Variants in ERC2 observed in about 807,000 individuals in gnomAD.
The protein encoded by ERC2 is ERC protein 2.
In ERC2, 42 loss-of-function variants were observed where a neutral mutation model predicts 114.8. The observed-to-expected ratio is 0.37, with a 90% CI of 0.29 to 0.47. The LOEUF (loss-of-function observed/expected upper bound fraction) is 0.47. Ranked by LOEUF, ERC2 falls within the 20% of genes least tolerant of loss-of-function variation. The pLI, the probability that ERC2 is intolerant of heterozygous loss-of-function variation, is 0.99. For synonymous variants in ERC2, 454 were observed against 425.5 expected, an observed-to-expected ratio of 1.07 and a Z score of -0.82; for missense variants, 939 against 1,150.7, an observed-to-expected ratio of 0.82 and a Z score of 2.66.
intron 16 of ERC2, among the ~76,000 whole-genome samples, chr3:55,694,391 G>C (rs1243138085): frequency 6.6e-6 from 1 of 152,162 alleles, no homozygotes; most frequent in Non-Finnish European, 1.5e-5. Flanking sequence ...GTGAACATGG[G>C]ACAAAGAATC....
chr3:55,736,829 A>G (rs998177261), intron 14 of ERC2, among the ~76,000 whole-genome samples: 5 of 152,198 alleles, frequency 3.3e-5, no homozygotes, highest in Non-Finnish European at 5.9e-5. Context: ...TCTTTACAGT[A>G]TAATTTTATG....
intron 17 of ERC2, among the ~76,000 whole-genome samples, chr3:55,566,471 G>A (rs937998077): frequency 1.3e-5 from 2 of 151,600 alleles, no homozygotes; most frequent in African/African-American, 2.4e-5. Flanking sequence ...TGCCCAGGTT[G>A]AACAGGTTGG....
chr3:56,248,842 C>G (rs72873404), intron 3 of ERC2, among the ~76,000 whole-genome samples: 2,642 of 152,316 alleles, frequency 0.017, 74 homozygotes, highest in African/African-American at 0.06. Flanking sequence ...CAGGCACACA[C>G]AACTGTATGT....
In ERC2 at chr3:56,075,454, T is replaced by C. The variant is rs147441633; in HGVS notation, c.1641+5363A>G. 1.4e-4 allele frequency among the ~76,000 whole-genome samples: 22 copies of C among 152,342 alleles called. No individual in the cohort carries two copies. In the East Asian group the frequency reaches 4.2e-3, roughly 29 times the overall value. Reference sequence around the variant, plus strand: ...TTCTTGATCATCCCCAATCTGGTTCTACAGACCAGATATTGGGACCCCAGA... The same window carrying C: ...TTCTTGATCATCCCCAATCTGGTTCCACAGACCAGATATTGGGACCCCAGA... On this transcript the variant is annotated intron_variant, in intron 7 of 17. Coordinates refer to ENST00000288221, the MANE Select transcript of ERC2 (RefSeq NM_015576.3).
At chr3:56,465,592 C>A (rs1405008512) in intron 1 of ERC2, among the ~76,000 whole-genome samples, 3 of 152,156 alleles carry the variant, frequency 2.0e-5, no homozygotes, top group Non-Finnish European at 4.4e-5. Flanking sequence ...ATTTAAAACT[C>A]TAATTGGAAA....
At chr3:56,059,576 C>T (rs1229464113) in intron 7 of ERC2, among the ~76,000 whole-genome samples, 2 of 152,148 alleles carry the variant, frequency 1.3e-5, no homozygotes, top group African/African-American at 4.8e-5. Flanking sequence ...ATTTTAATTT[C>T]CATCTTTGCC....
intron 1 of ERC2, among the ~76,000 whole-genome samples, chr3:56,462,898 C>T (rs965885104): frequency 7.9e-5 from 12 of 152,110 alleles, no homozygotes; most frequent in Admixed American, 3.3e-4. Context: ...TCACCAAGAC[C>T]AAGATCCTTC....
chr3:55,732,334 G>A (rs1326648180), intron 15 of ERC2, among the ~76,000 whole-genome samples: 1 of 152,168 alleles, frequency 6.6e-6, no homozygotes, highest in Admixed American at 6.5e-5. Flanking sequence ...GCTCTTTGGT[G>A]GGTGGGGTGA....
At chr3:55,947,652 C>T (rs1046992517) in intron 13 of ERC2, among the ~76,000 whole-genome samples, 6 of 152,190 alleles carry the variant, frequency 3.9e-5, no homozygotes, top group Non-Finnish European at 7.3e-5. Flanking sequence ...CTGCCCCAGG[C>T]ACCACGACAG....
intron 17 of ERC2, among the ~76,000 whole-genome samples, chr3:55,581,090 C>T (rs1193426971): frequency 6.6e-6 from 1 of 152,156 alleles, no homozygotes; most frequent in Non-Finnish European, 1.5e-5. Context: ...AAATGTGCTC[C>T]TCTAACTAGG....
intron 14 of ERC2, among the ~76,000 whole-genome samples, chr3:55,863,224 A>C (rs1166644489): frequency 6.6e-6 from 1 of 152,146 alleles, no homozygotes; most frequent in Admixed American, 6.5e-5. Flanking sequence ...CTGAATGCTC[A>C]TACACTTAGC....
chr3:56,201,875 AT>A (rs2150097375), intron 3 of ERC2, among the ~76,000 whole-genome samples: 1 of 152,306 alleles, frequency 6.6e-6, no homozygotes, highest in East Asian at 1.9e-4. Context: ...TTTCCAGCGA[AT>A]TCTTCTTTCC....
intron 11 of ERC2, among the ~76,000 whole-genome samples, chr3:55,987,880 C>G (rs2070754671): frequency 6.6e-6 from 1 of 152,152 alleles, no homozygotes; most frequent in East Asian, 1.9e-4. Flanking sequence ...CCCCAGGGAT[C>G]CAGCCTCCTC....
chr3:55,672,190 A>T lies in ERC2; in HGVS notation c.*39+11604T>A, dbSNP rs144646929. ...CCATCTCTAGGCCCCCCACCCCTAC[A>T]CAAATAGCCAAGTATGGTGGTGTGT... On this transcript the variant is annotated intron_variant, in intron 17 of 17. Coordinates refer to ENST00000288221, the MANE Select transcript of ERC2 (RefSeq NM_015576.3). Among the ~76,000 whole-genome samples, 8 of 151,956 alleles carry T rather than the reference A, an allele frequency of 5.3e-5. No homozygotes were observed. The East Asian group carries it at 1.6e-3, about 30-fold the overall frequency.
At chr3:55,790,355 G>A (rs2069894447) in intron 14 of ERC2, among the ~76,000 whole-genome samples, 2 of 152,078 alleles carry the variant, frequency 1.3e-5, no homozygotes, top group African/African-American at 4.8e-5. Flanking sequence ...CTATTCTCCT[G>A]TAGCCCCCCA....
intron 8 of ERC2, among the ~76,000 whole-genome samples, chr3:56,014,419 G>A (rs935471563): frequency 6.6e-6 from 1 of 152,066 alleles, no homozygotes; most frequent in Admixed American, 6.6e-5. Context: ...ATTGTCAAGG[G>A]AGTTCCAGGA....
At chr3:56,243,862 G>T (rs933848026) in intron 3 of ERC2, among the ~76,000 whole-genome samples, 10 of 152,116 alleles carry the variant, frequency 6.6e-5, no homozygotes, top group Non-Finnish European at 8.8e-5. Flanking sequence ...CCCTTTAGAG[G>T]CAGAAAAAAA....
At chr3:56,418,432 A>G (rs1004879259) in intron 2 of ERC2, among the ~76,000 whole-genome samples, 1 of 152,188 alleles carries the variant, frequency 6.6e-6, no homozygotes, top group South Asian at 2.1e-4. Flanking sequence ...TACTACAGTC[A>G]ATCCTGACAC....
Position 55,519,203 on chromosome 3 carries a change from T to G in ERC2, c.*40-7927A>C, listed in dbSNP as rs528109610. Among the ~76,000 whole-genome samples the G allele has an allele frequency of 1.4e-4, 22 of 152,270 alleles. No homozygotes were observed. The East Asian group carries it at 4.1e-3, about 28-fold the overall frequency. On this transcript the variant is annotated intron_variant, in intron 17 of 17. Transcript: ENST00000288221. The stretch of plus-strand genomic sequence containing the variant: ...GACAATGGTATCCTATGAACAAATA[T>G]CCTAAGCCTGTGTCTAGAACTCCCA...
Sources: gnomAD v4.1 joint callset for allele counts (sites outside exome capture counted in the v4.1 genomes callset) on GRCh38, gnomAD v4.1.1 for gene constraint, MANE v1.5 for transcripts, NCBI Gene and HGNC (gene_info 2026-07-23, HGNC 2026-07-21) for gene names.